XXYLT1: variants seen among roughly 807,000 people sequenced by gnomAD.
XXYLT1 encodes the protein xyloside xylosyltransferase 1.
A neutral mutation model predicts 28.9 loss-of-function variants in XXYLT1; 20 were observed. The ratio of observed to expected loss-of-function variants is 0.69; its 90% CI spans 0.49 to 1.00. The LOEUF (loss-of-function observed/expected upper bound fraction) is 1.00, where lower values mean the gene tolerates loss of function less well. XXYLT1 is among the 50% of genes least tolerant of loss of function. The pLI is 0.00. For missense variants in XXYLT1, 542 were observed against 560.1 expected (o/e 0.97, Z 0.33); for synonymous variants, 257 against 253.8 (o/e 1.01, Z -0.12).
At chr3:195,142,496 G>C (rs1719544394) in intron 3 of XXYLT1, among the ~76,000 whole-genome samples, 1 of 152,190 alleles carries the variant, frequency 6.6e-6, no homozygotes, top group African/African-American at 2.4e-5. Context: ...CCGTAAGCCT[G>C]CTGTAGGTGT....
At chr3:195,208,862 G>A (rs1229291918) in intron 2 of XXYLT1, among the ~76,000 whole-genome samples, 2 of 152,164 alleles carry the variant, frequency 1.3e-5, no homozygotes, top group Non-Finnish European at 2.9e-5. Context: ...ACGACACCCA[G>A]CAGGGGGCTT....
chr3:195,166,490 T>G (rs1721127758), intron 2 of XXYLT1, among the ~76,000 whole-genome samples: 1 of 152,154 alleles, frequency 6.6e-6, no homozygotes, highest in Non-Finnish European at 1.5e-5. Flanking sequence ...GTCAGGACAC[T>G]AGCAGTAACA....
chr3:195,125,755 G>A (rs917387507), intron 3 of XXYLT1, among the ~76,000 whole-genome samples: 7 of 152,268 alleles, frequency 4.6e-5, no homozygotes, highest in Admixed American at 2.6e-4. Context: ...TCTGTGGCCA[G>A]GAGATGGGAT....
intron 1 of XXYLT1, among the ~76,000 whole-genome samples, chr3:195,266,965 T>C (rs1725867748): frequency 6.6e-6 from 1 of 152,236 alleles, no homozygotes; most frequent in Admixed American, 6.5e-5. Context: ...ACAAATAATA[T>C]GCTTCCCTGT....
intron 1 of XXYLT1, among the ~76,000 whole-genome samples, chr3:195,243,923 C>T (rs930518171): frequency 1.3e-5 from 2 of 152,288 alleles, no homozygotes; most frequent in Non-Finnish European, 2.9e-5. Context: ...GAAAAGCAGC[C>T]TGCCCAGCTA....
intron 2 of XXYLT1, among the ~76,000 whole-genome samples, chr3:195,164,616 T>A (rs1721024147): frequency 6.6e-6 from 1 of 152,192 alleles, no homozygotes; most frequent in African/African-American, 2.4e-5. Flanking sequence ...CAGAGTAGGA[T>A]CACAACCCCA....
chr3:195,200,626 C>T (rs1173337036), intron 2 of XXYLT1, among the ~76,000 whole-genome samples: 1 of 152,218 alleles, frequency 6.6e-6, no homozygotes, highest in African/African-American at 2.4e-5. Context: ...CATGAACACC[C>T]TCACAGCCTG....
chr3:195,221,617 C>T (rs2108795494), intron 2 of XXYLT1, among the ~76,000 whole-genome samples: 1 of 152,318 alleles, frequency 6.6e-6, no homozygotes, highest in East Asian at 1.9e-4. Flanking sequence ...AGAGCATGCG[C>T]CCTAGCACAG....
intron 2 of XXYLT1, among the ~76,000 whole-genome samples, chr3:195,207,229 G>C (rs1250216010): frequency 2.0e-5 from 3 of 152,166 alleles, no homozygotes; most frequent in African/African-American, 7.2e-5. Flanking sequence ...TCAGCATATG[G>C]TGTGCAAAGC....
chr3:195,160,899 G>A (rs562383657), intron 2 of XXYLT1, among the ~76,000 whole-genome samples: 122 of 152,310 alleles, frequency 8.0e-4, no homozygotes, highest in African/African-American at 2.8e-3. Context: ...GTCGCTTCTG[G>A]GCTGGATGTT....
rs776821732 is a variant in XXYLT1 at position 195,270,712 on chromosome 3, G to C, written c.347C>G (p.Ala116Gly). The C allele has an allele frequency of 6.3e-6, 10 of 1,590,408 alleles. No individual in the cohort carries two copies. Among genetic ancestry groups the C allele is most frequent in the Non-Finnish European group, 8.5e-6 (10 of 1,172,732 alleles). Residue 116 changes from alanine (A) to glycine (G), a missense_variant, in exon 1 of 4, where the codon GCC becomes GGC. Physicochemically the swap from Ala to Gly is moderately conservative, Grantham distance 60. Transcript: ENST00000310380. ...TGAGCGCAGCGCGACGCGGGCCTTG[G>C]CCTGCAGCGCGGCATTGTGCTCCGC... ...TKAEHNAALQ[A>G]KARVALRSLL...
At position 195,133,613 on chromosome 3, in the gene XXYLT1, C is replaced by T. The variant is rs951650119; in HGVS notation, c.785+22836G>A. 2.0e-5 allele frequency among the ~76,000 whole-genome samples: 3 copies of T among 152,178 alleles called. No individual in the cohort carries two copies. Among genetic ancestry groups the T allele is most frequent in the Non-Finnish European group, 4.4e-5 (3 of 68,032 alleles). ...GCTACGCCTAACAAGCAGAGGCGGA[C>T]GAGCTGCTGTGCCAAACGCTCCCAG... On this transcript the variant is annotated intron_variant, in intron 3 of 3. Coordinates refer to ENST00000310380, the MANE Select transcript of XXYLT1 (RefSeq NM_152531.5). This position sits in a 1 kb window ranked among gnomAD's most constrained non-coding sequence, Gnocchi z 4.4.
At chr3:195,207,553 C>G (rs1161785956) in intron 2 of XXYLT1, 1 of 446,370 alleles carries the variant, frequency 2.2e-6, no homozygotes, top group Non-Finnish European at 4.5e-6. Flanking sequence ...AAGCCTTCCC[C>G]AAATTCCTTA....
intron 3 of XXYLT1, among the ~76,000 whole-genome samples, chr3:195,135,190 G>C (rs528539470): frequency 6.6e-6 from 1 of 152,288 alleles, no homozygotes; most frequent in Non-Finnish European, 1.5e-5. Flanking sequence ...CTGGGATGCT[G>C]CAGGCGGAAT....
intron 3 of XXYLT1, 38 bp downstream of exon 3, chr3:195,156,411 G>A (rs1356596581): frequency 6.2e-7 from 1 of 1,604,260 alleles, no homozygotes; most frequent in Non-Finnish European, 8.5e-7. Context: ...AGGGTGGGGA[G>A]GGGTCGTGGA....
chr3:195,179,783 T>G (rs1404527320), intron 2 of XXYLT1, among the ~76,000 whole-genome samples: 1 of 152,010 alleles, frequency 6.6e-6, no homozygotes, highest in African/African-American at 2.4e-5. Context: ...TTTTCCAGAT[T>G]CCACTTGCAG....
In XXYLT1 at chr3:195,173,445, T is replaced by C. The variant is rs1250727197; in HGVS notation, c.653-16864A>G. On this transcript the variant is annotated intron_variant, in intron 2 of 3. Coordinates refer to ENST00000310380, the MANE Select transcript of XXYLT1 (RefSeq NM_152531.5). This position sits in a 1 kb window ranked among gnomAD's most constrained non-coding sequence, Gnocchi z 4.3. ...GCTCGACACTAAGTAACATTCTGGT[T>C]CATATAAGACTGGGCGGAAGAACAG... Among the ~76,000 whole-genome samples, 3 of 152,190 alleles carry C rather than the reference T, an allele frequency of 2.0e-5. No individual in the cohort carries two copies. Among genetic ancestry groups the C allele is most frequent in the African/African-American group, 7.2e-5 (3 of 41,432 alleles).
At chr3:195,135,933 T>C (rs766905953) in intron 3 of XXYLT1, among the ~76,000 whole-genome samples, 1 of 152,156 alleles carries the variant, frequency 6.6e-6, no homozygotes, top group Non-Finnish European at 1.5e-5. Flanking sequence ...CCATGCCCTC[T>C]GATAATGACC....
chr3:195,133,785 C>T lies in XXYLT1; in HGVS notation c.785+22664G>A, dbSNP rs141873593. ...CTGAAAAATCCCCATTGCCTAGTGA[C>T]GTCTTGGGGATCCTGACCCTGTGCA... On this transcript the variant is annotated intron_variant, in intron 3 of 3. Coordinates refer to ENST00000310380, the MANE Select transcript of XXYLT1 (RefSeq NM_152531.5). This position sits in a 1 kb window ranked among gnomAD's most constrained non-coding sequence, Gnocchi z 4.4. Among the ~76,000 whole-genome samples, 18 of 152,290 alleles carry T rather than the reference C, an allele frequency of 1.2e-4. No individual in the cohort carries two copies. In the East Asian group the frequency reaches 3.5e-3, roughly 29 times the overall value.
Sources: gnomAD v4.1 joint callset for allele counts (sites outside exome capture counted in the v4.1 genomes callset) on GRCh38, gnomAD v4.1.1 for gene constraint, Gnocchi (gnomAD v3.1) non-coding constraint, MANE v1.5 for transcripts, NCBI Gene and HGNC (gene_info 2026-07-23, HGNC 2026-07-21) for gene names.